The following TRAPPC9 variants were observed in gnomAD, a reference collection of about 807,000 sequenced individuals.
The protein encoded by TRAPPC9 is trafficking protein particle complex subunit 9, also known as IKK2 binding protein.
Under a neutral mutation model 124.0 loss-of-function variants are expected in TRAPPC9, and 83 were observed. That is an observed-to-expected ratio of 0.67 (90% CI 0.56 to 0.80). The LOEUF (loss-of-function observed/expected upper bound fraction) is 0.80, where lower values mean the gene tolerates loss of function less well. Ranked by LOEUF, TRAPPC9 falls within the 30% of genes least tolerant of loss-of-function variation. The pLI, the probability that TRAPPC9 is intolerant of heterozygous loss-of-function variation, is 0.00. For missense variants in TRAPPC9, 1,302 were observed against 1,508.3 expected, an observed-to-expected ratio of 0.86 and a Z score of 2.27; for synonymous variants, 638 against 617.5, an observed-to-expected ratio of 1.03 and a Z score of -0.49.
chr8:139,860,045 G>A (rs1828030538), intron 21 of TRAPPC9, among the ~76,000 whole-genome samples: 1 of 152,240 alleles, frequency 6.6e-6, no homozygotes, highest in Non-Finnish European at 1.5e-5. Flanking sequence ...TCACTGCAAT[G>A]TGAGCTTTGT....
At chr8:139,939,647 G>A (rs572902664) in intron 19 of TRAPPC9, among the ~76,000 whole-genome samples, 197 of 152,324 alleles carry the variant, frequency 1.3e-3, no homozygotes, top group African/African-American at 4.0e-3. Context: ...AGGCCACCCC[G>A]TCGCTGGGGG....
chr8:140,250,751 G>T (rs2064113957), intron 16 of TRAPPC9, among the ~76,000 whole-genome samples: 1 of 152,050 alleles, frequency 6.6e-6, no homozygotes, highest in Non-Finnish European at 1.5e-5. Flanking sequence ...TAAACAACCA[G>T]CCAGAGCTTC....
intron 17 of TRAPPC9, among the ~76,000 whole-genome samples, chr8:140,206,943 C>T (rs139552202): frequency 2.1e-3 from 312 of 152,122 alleles, no homozygotes; most frequent in Admixed American, 1.8e-3. Context: ...CAGTCTGCTA[C>T]GCATGGGGAA....
At chr8:139,860,308 A>G (rs1401787639) in intron 21 of TRAPPC9, among the ~76,000 whole-genome samples, 1 of 151,464 alleles carries the variant, frequency 6.6e-6, no homozygotes, top group African/African-American at 2.4e-5. Context: ...CTCAGAACCC[A>G]GTCCAAAAGG....
At chr8:140,422,911 A>G (rs1021301284) in intron 5 of TRAPPC9, among the ~76,000 whole-genome samples, 14 of 152,208 alleles carry the variant, frequency 9.2e-5, no homozygotes, top group African/African-American at 3.1e-4. Flanking sequence ...TACGAGGGAC[A>G]TGCAAACCAA....
Position 139,995,861 on chromosome 8 carries a change from TAAAAAAAAA to T in TRAPPC9, c.2700-7034_2700-7026del, listed in dbSNP as rs35970083. On this transcript the variant is annotated intron_variant, in intron 18 of 22. Coordinates refer to ENST00000438773, the MANE Select transcript of TRAPPC9 (RefSeq NM_001160372.4). ...ACAGCCTGCAAAAGGTACTCTGCAT[TAAAAAAAAA>T]AAAAAAAAAAAAAGTACCAACATTT... Among the ~76,000 whole-genome samples, 437 of 96,912 alleles carry T rather than the reference TAAAAAAAAA, an allele frequency of 4.5e-3. 4 individuals are homozygous for T. Among genetic ancestry groups the T allele is most frequent in the African/African-American group, 0.02 (425 of 21,728 alleles). 63.6% of individuals were successfully genotyped at this position (96,912 alleles called of 152,430 possible).
intron 4 of TRAPPC9, among the ~76,000 whole-genome samples, chr8:140,431,090 G>A (rs951074171): frequency 1.3e-5 from 2 of 152,108 alleles, no homozygotes; most frequent in African/African-American, 4.8e-5. Flanking sequence ...TAATTCTGTG[G>A]CTTGGGTAGG....
At chr8:140,328,841 G>C (rs1382729253) in intron 9 of TRAPPC9, among the ~76,000 whole-genome samples, 1 of 152,134 alleles carries the variant, frequency 6.6e-6, no homozygotes, top group Non-Finnish European at 1.5e-5. Context: ...AGGATTTGAT[G>C]CTCGATTGGA....
rs755371528 is a variant in TRAPPC9, at chr8:139,732,202, T to G, written c.3056A>C (p.Asp1019Ala). Residue 1019 changes from aspartate to alanine, a missense_variant and splice_region_variant, in exon 22 of 23, where the codon GAT becomes GCT. Physicochemically the swap from Asp to Ala is moderately radical, Grantham distance 126. This residue lies in a region of TRAPPC9 where 640 missense variants were observed against 679.3 expected (regional missense o/e 0.94). Coordinates refer to ENST00000438773, the MANE Select transcript of TRAPPC9 (RefSeq NM_001160372.4). ...ACATGGCTGTCCGTCCACCAGCACA[T>G]CTGTAAGGGACACGAGACTGTCGGG... The part of the protein sequence containing the change: ...EHLQLAPLQW[D>A]VLVDGQPCDR... The G allele has an allele frequency of 2.3e-5, 36 of 1,586,408 alleles. No homozygotes were observed. Among genetic ancestry groups the G allele is most frequent in the Admixed American group, 3.4e-5 (2 of 58,404 alleles).
intron 19 of TRAPPC9, among the ~76,000 whole-genome samples, chr8:139,930,601 C>T (rs1457604197): frequency 6.6e-6 from 1 of 152,218 alleles, no homozygotes; most frequent in African/African-American, 2.4e-5. Flanking sequence ...TATTCAAAGG[C>T]CATCTTGATC....
chr8:140,014,535 G>A (rs989116713), intron 18 of TRAPPC9, among the ~76,000 whole-genome samples: 12 of 152,060 alleles, frequency 7.9e-5, no homozygotes, highest in African/African-American at 1.2e-4. Context: ...TTCTCTTATC[G>A]CCCTGGTGAG....
chr8:140,303,712 T>G (rs2066045564), intron 10 of TRAPPC9, among the ~76,000 whole-genome samples: 1 of 152,262 alleles, frequency 6.6e-6, no homozygotes, highest in Admixed American at 6.5e-5. Flanking sequence ...TTTTGGCTCC[T>G]TTTTCATTAC....
At chr8:140,235,253 G>A (rs567136336) in intron 16 of TRAPPC9, among the ~76,000 whole-genome samples, 76 of 152,254 alleles carry the variant, frequency 5.0e-4, no homozygotes, top group African/African-American at 1.8e-3. Context: ...GATTACAGGC[G>A]TGAGCCACCA....
At chr8:139,879,757 T>C (rs539988093) in intron 21 of TRAPPC9, among the ~76,000 whole-genome samples, 5 of 152,362 alleles carry the variant, frequency 3.3e-5, no homozygotes, top group African/African-American at 1.2e-4. Flanking sequence ...AGGGAGATTT[T>C]AAATGCTCGA....
At chr8:139,799,761 G>A (rs555763788) in intron 21 of TRAPPC9, among the ~76,000 whole-genome samples, 5 of 152,348 alleles carry the variant, frequency 3.3e-5, no homozygotes, top group African/African-American at 9.6e-5. Context: ...GGGAAGGAGC[G>A]GGGCTGGGCA....
chr8:140,047,805 G>A (rs1300728485), intron 17 of TRAPPC9, among the ~76,000 whole-genome samples: 3 of 152,264 alleles, frequency 2.0e-5, no homozygotes, highest in African/African-American at 7.2e-5. Flanking sequence ...ACCCTTAGCA[G>A]AAAGCCAGAT....
At chr8:140,272,383 G>GATGGTGATGGTGGCGATGGTGATA (rs918837049) in intron 15 of TRAPPC9, among the ~76,000 whole-genome samples, 1 of 113,928 alleles carries the variant, frequency 8.8e-6, no homozygotes, top group Non-Finnish European at 1.8e-5. Flanking sequence ...TGGTGGTGAT[G>GATGGTGATGGTGGCGATGGTGATA]ATGGTGATGG....
chr8:140,111,510 A>T (rs1033412897), intron 17 of TRAPPC9, among the ~76,000 whole-genome samples: 1 of 152,196 alleles, frequency 6.6e-6, no homozygotes, highest in Non-Finnish European at 1.5e-5. Context: ...CCCCTTCCCT[A>T]ACAGCACCTG....
At chr8:140,100,201 C>T (rs1199006951) in intron 17 of TRAPPC9, 1 of 150,494 alleles carries the variant, frequency 6.6e-6, no homozygotes, top group Non-Finnish European at 1.5e-5. Flanking sequence ...GTGCCACAAT[C>T]CTCAGGGTAT....
Sources: gnomAD v4.1 joint callset for allele counts (sites outside exome capture counted in the v4.1 genomes callset) on GRCh38, gnomAD v4.1.1 for gene constraint, gnomAD v4.1.1 regional missense constraint, MANE v1.5 for transcripts, NCBI Gene and HGNC (gene_info 2026-07-23, HGNC 2026-07-21) for gene names.